The following MPRIP variants were observed in gnomAD, a reference collection of about 807,000 sequenced individuals.
MPRIP encodes myosin phosphatase Rho-interacting protein.
In MPRIP, 59 loss-of-function variants were observed where a neutral mutation model predicts 234.9. The ratio of observed to expected loss-of-function variants is 0.25; its 90% CI spans 0.20 to 0.31. The LOEUF (loss-of-function observed/expected upper bound fraction) is 0.31. MPRIP is among the 10% of genes least tolerant of loss of function. The probability of loss-of-function intolerance (pLI) is 1.00; values close to 1 mark genes in which losing one functional copy is unlikely to be tolerated. For synonymous variants in MPRIP, 1,144 were observed against 1,263.9 expected (o/e 0.91, Z 2.01); for missense variants, 2,436 against 3,071.0 (o/e 0.79, Z 4.89).
chr17:17,171,040 G>C (rs559956622), intron 16 of MPRIP: 2 of 152,164 alleles, frequency 1.3e-5, no homozygotes, highest in Admixed American at 6.5e-5. Flanking sequence ...GAAGACACAG[G>C]CTAGAAGGAA....
chr17:17,153,451 C>T lies in MPRIP; in HGVS notation c.1720-855C>T, dbSNP rs551858771. On this transcript the variant is annotated intron_variant, in intron 12 of 23. Coordinates refer to ENST00000651222, the MANE Select transcript of MPRIP (RefSeq NM_001364716.4). ...TCCAGCTCCATGCAGGCCACTGGCC[C>T]TCCCCTGCCTGGTACCCAGGCAGGT... is the stretch of plus-strand genomic sequence containing the variant. 2.0e-5 allele frequency among the ~76,000 whole-genome samples: 3 copies of T among 152,134 alleles called. No homozygotes were observed. The South Asian group carries it at 6.2e-4, about 32-fold the overall frequency.
chr17:17,146,654 G>A (rs2045472375), intron 10 of MPRIP, among the ~76,000 whole-genome samples: 1 of 152,188 alleles, frequency 6.6e-6, no homozygotes, highest in Non-Finnish European at 1.5e-5. Flanking sequence ...TGTGCCATGG[G>A]CTGGAAGGCC....
intron 22 of MPRIP, among the ~76,000 whole-genome samples, chr17:17,178,935 A>T (rs1031157455): frequency 2.6e-5 from 4 of 152,138 alleles, no homozygotes; most frequent in African/African-American, 9.7e-5. Context: ...AAAAGAAAAA[A>T]AAAACCTGTG....
At chr17:17,149,417 C>T (rs925765308) in intron 11 of MPRIP, among the ~76,000 whole-genome samples, 10 of 149,320 alleles carry the variant, frequency 6.7e-5, no homozygotes, top group East Asian at 2.1e-4. Flanking sequence ...CACTTGAACC[C>T]GGGAGGCAGA....
At chr17:17,174,500 C>G (rs2046212090) in intron 19 of MPRIP, among the ~76,000 whole-genome samples, 1 of 152,254 alleles carries the variant, frequency 6.6e-6, no homozygotes, top group Admixed American at 6.5e-5. Context: ...CAGGGTCAGG[C>G]TTACGGCTCA....
At chr17:17,048,033 C>T (rs760205778) in intron 1 of MPRIP, among the ~76,000 whole-genome samples, 46 of 152,198 alleles carry the variant, frequency 3.0e-4, no homozygotes, top group African/African-American at 6.0e-4. Context: ...CTTCTACATC[C>T]GCGTGTTGAT....
At position 17,164,607 on chromosome 17, in the gene MPRIP, G is replaced by A. The variant is rs927092879; in HGVS notation, c.3016G>A (p.Ala1006Thr). The A allele has an allele frequency of 1.6e-5, 19 of 1,214,338 alleles. No individual in the cohort carries two copies. Among genetic ancestry groups the A allele is most frequent in the African/African-American group, 8.0e-5 (5 of 62,826 alleles). 75.2% of individuals were successfully genotyped at this position (1,214,338 alleles called of 1,614,324 possible). The stretch of plus-strand genomic sequence containing the variant: ...TGCCGACCTCAGCCAGCAACTGGGC[G>A]CCAGTGAGCAGGCGCAGCGGCTGAT... The part of the protein sequence containing the change: ...RIADLSQQLG[A>T]SEQAQRLMEE... Residue 1006 changes from alanine (A) to threonine (T), a missense_variant, in exon 16 of 24, where the codon GCC becomes ACC. By Grantham distance (58) the Ala-to-Thr change is moderately conservative (BLOSUM62 0). This residue lies in a region of MPRIP where 1,998 missense variants were observed against 2,520.3 expected (regional missense o/e 0.79). Transcript: ENST00000651222.
intron 3 of MPRIP, among the ~76,000 whole-genome samples, chr17:17,090,433 G>A (rs1292846474): frequency 6.6e-6 from 1 of 152,184 alleles, no homozygotes; most frequent in East Asian, 1.9e-4. Context: ...TAAGCAGTGA[G>A]TCATTGTCTT....
At chr17:17,169,173 A>G (rs553999575) in intron 16 of MPRIP, 17 of 371,108 alleles carry the variant, frequency 4.6e-5, no homozygotes, top group South Asian at 3.2e-4. Flanking sequence ...GTGTGTGTAT[A>G]TGATGGCACT....
Position 17,079,227 on chromosome 17 carries a change from G to C in MPRIP, c.267+1151G>C, listed in dbSNP as rs967331010. On this transcript the variant is annotated intron_variant, in intron 3 of 23. Transcript: ENST00000651222. ...ATTAAGAGGATGGTACCATAATCCT[G>C]TATCAACTGTCACCTCACTGGTTCC... Among the ~76,000 whole-genome samples the C allele has an allele frequency of 3.9e-5, 6 of 152,188 alleles. No individual in the cohort carries two copies. The East Asian group carries it at 1.2e-3, about 29-fold the overall frequency.
At chr17:17,119,296 G>T (rs1320637466) in intron 3 of MPRIP, among the ~76,000 whole-genome samples, 1 of 152,262 alleles carries the variant, frequency 6.6e-6, no homozygotes, top group Non-Finnish European at 1.5e-5. Flanking sequence ...GCCTAATCAG[G>T]CCATAGCTCA....
At chr17:17,150,086 A>G (rs2045566720) in intron 11 of MPRIP, 58 bp from the exon 12 acceptor site, 2 of 1,298,026 alleles carry the variant, frequency 1.5e-6, no homozygotes, top group Non-Finnish European at 2.2e-6. Context: ...AAATTTGCTC[A>G]TCTAGGCATT....
In MPRIP at chr17:17,042,757, G is replaced by A. The variant is rs1288118608; in HGVS notation, c.-92G>A. ...CTGCGGCGGGGCCGGCGAGGGATGC[G>A]GCGCGGCCGCGCTGAGCCCCTAGCC... On this transcript the variant is annotated 5_prime_UTR_variant, in exon 1 of 24. Coordinates refer to ENST00000651222, the MANE Select transcript of MPRIP (RefSeq NM_001364716.4). 2.4e-6 allele frequency: 2 copies of A among 829,234 alleles called. No individual in the cohort carries two copies. The highest frequency in any genetic ancestry group is 1.3e-4 in the African/African-American group (2 of 15,722). 51.4% of individuals were successfully genotyped at this position (829,234 alleles called of 1,614,324 possible).
intron 12 of MPRIP, among the ~76,000 whole-genome samples, chr17:17,153,975 T>G: frequency 6.6e-6 from 1 of 152,136 alleles, no homozygotes; most frequent in East Asian, 1.9e-4. Flanking sequence ...GGCTGGGAAC[T>G]CCTTAAAGAG....
rs1430203321 is a variant in MPRIP at position 17,167,954 on chromosome 17, T to C, written c.6324+39T>C. 7.9e-7 allele frequency: 1 copy of C among 1,270,726 alleles called. No individual in the cohort carries two copies. Among genetic ancestry groups the C allele is most frequent in the Non-Finnish European group, 1.0e-6 (1 of 970,322 alleles). The allele number at this position is 1,270,726 out of a possible 1,614,324, so 78.7% of individuals were successfully genotyped here. A position where few individuals can be genotyped will look rare whatever the true frequency, so the allele number is the denominator to read the frequency against. ...ATTCAATTTGCAGAGCAGATCTTCC[T>C]TGATAATGGGGTGGGTGTGGGGACG... On this transcript the variant is annotated intron_variant, in intron 16 of 23. Coordinates refer to ENST00000651222, the MANE Select transcript of MPRIP (RefSeq NM_001364716.4). This position sits in a 1 kb window ranked among gnomAD's most constrained non-coding sequence, Gnocchi z 5.9.
chr17:17,128,703 C>T (rs935355216), intron 4 of MPRIP, among the ~76,000 whole-genome samples: 2 of 152,200 alleles, frequency 1.3e-5, no homozygotes, highest in South Asian at 2.1e-4. Flanking sequence ...CAGGTTCTCA[C>T]GTGGCATAAC....
At position 17,164,600 on chromosome 17, in the gene MPRIP, A is replaced by G. The variant is rs1489548329; in HGVS notation, c.3009A>G (p.Gln1003=). The G allele has an allele frequency of 4.1e-6, 5 of 1,213,070 alleles. No individual in the cohort carries two copies. Among genetic ancestry groups the G allele is most frequent in the East Asian group, 5.8e-5 (1 of 17,336 alleles). 75.1% of individuals were successfully genotyped at this position (1,213,070 alleles called of 1,614,324 possible). A position where few individuals can be genotyped will look rare whatever the true frequency, so the allele number is the denominator to read the frequency against. The change falls in exon 16 of 24, where the codon CAA becomes CAG. Residue 1003 remains glutamine (Q), a synonymous_variant. Transcript: ENST00000651222. ...LQERIADLSQ[Q]LGASEQAQRL... is the part of the protein sequence containing the mutation. ...AGCGCATTGCCGACCTCAGCCAGCAACTGGGCGCCAGTGAGCAGGCGCAGC... is the reference window on the plus strand; with the variant it reads ...AGCGCATTGCCGACCTCAGCCAGCAGCTGGGCGCCAGTGAGCAGGCGCAGC...
rs117531489 is a variant in MPRIP at position 17,162,789 on chromosome 17, A to G, written c.2518-1320A>G. Among the ~76,000 whole-genome samples, 1,096 of 152,366 alleles carry G rather than the reference A, an allele frequency of 7.2e-3. 23 individuals are homozygous for G. In the East Asian group the frequency reaches 0.073, roughly 10 times the overall value. On this transcript the variant is annotated intron_variant, in intron 15 of 23. Transcript: ENST00000651222. ...GCTGAAAGGAAATGCTCACTGGAGC[A>G]TTTCAGATTTTGGATTTTTGGATTG...
At chr17:17,066,721 ATCTTTTTTTTTTTTTTTTT>A (rs1567692142) in intron 1 of MPRIP, among the ~76,000 whole-genome samples, 1 of 39,440 alleles carries the variant, frequency 2.5e-5, no homozygotes, top group East Asian at 6.9e-4. Flanking sequence ...TACTTTTTTC[ATCTTTTTTTTTTTTTTTTT>A]TTTTTTTTTT....
Sources: allele counts gnomAD v4.1 joint callset (sites outside exome capture counted in the v4.1 genomes callset), GRCh38; gene constraint gnomAD v4.1.1; regional missense constraint gnomAD v4.1.1; non-coding constraint Gnocchi (gnomAD v3.1); transcripts MANE v1.5; gene names NCBI Gene and HGNC (gene_info 2026-07-23, HGNC 2026-07-21).